Variants in DOCK1 observed in about 807,000 individuals in gnomAD.
DOCK1 encodes the protein dedicator of cytokinesis 1.
A neutral mutation model predicts 262.7 loss-of-function variants in DOCK1; 138 were observed. The observed-to-expected ratio is 0.53, with a 90% CI of 0.46 to 0.61. The LOEUF (loss-of-function observed/expected upper bound fraction) is 0.61. Among genes scored for constraint, DOCK1 ranks in the 20% least tolerant of loss-of-function variants. DOCK1 has a pLI of 0.00. For synonymous variants in DOCK1, 866 were observed against 867.4 expected, an observed-to-expected ratio of 1.00 and a Z score of 0.03; for missense variants, 1,908 against 2,370.7, an observed-to-expected ratio of 0.80 and a Z score of 4.05.
At chr10:127,172,867 T>C (rs2054708785) in intron 27 of DOCK1, among the ~76,000 whole-genome samples, 2 of 152,230 alleles carry the variant, frequency 1.3e-5, no homozygotes, top group Admixed American at 1.3e-4. Flanking sequence ...TTCGTGATGA[T>C]GGAAATGTTC....
chr10:127,176,660 TC>T lies in DOCK1; in HGVS notation c.2847+48900del, dbSNP rs2055190772. Among the ~76,000 whole-genome samples the T allele has an allele frequency of 6.6e-6, 1 of 152,164 alleles. No individual in the cohort carries two copies. Among genetic ancestry groups the T allele is most frequent in the Non-Finnish European group, 1.5e-5 (1 of 68,034 alleles). ...TTTCCTTTTGACAGTAATGCATGTT[TC>T]CCCATTAGACAAACCTGTTTTACTA... On this transcript the variant is annotated intron_variant, in intron 27 of 51. Coordinates refer to ENST00000623213, the MANE Select transcript of DOCK1 (RefSeq NM_001290223.2). The surrounding 1 kb of genome is among the most constrained non-coding windows in gnomAD (Gnocchi z 4.4).
chr10:127,392,597 G>T (rs6482858), intron 38 of DOCK1, among the ~76,000 whole-genome samples: 70,937 of 151,926 alleles, frequency 0.47, 16,912 homozygotes, highest in African/African-American at 0.51. Flanking sequence ...GCCAGCACTT[G>T]AGCAAACAGC....
intron 27 of DOCK1, among the ~76,000 whole-genome samples, chr10:127,211,307 C>T (rs976480416): frequency 1.3e-5 from 2 of 152,186 alleles, no homozygotes; most frequent in East Asian, 1.9e-4. Context: ...CTCCTAGACT[C>T]GGGTTCTGGG....
chr10:126,911,814 A>G (rs963639259), intron 1 of DOCK1, among the ~76,000 whole-genome samples: 1 of 152,160 alleles, frequency 6.6e-6, no homozygotes, highest in Non-Finnish European at 1.5e-5. Context: ...TTGTTATGCA[A>G]ATGGATTGCA....
At chr10:127,111,555 T>G (rs1281633231) in intron 25 of DOCK1, among the ~76,000 whole-genome samples, 4 of 152,158 alleles carry the variant, frequency 2.6e-5, no homozygotes, top group Non-Finnish European at 5.9e-5. Flanking sequence ...CACCAGGTGT[T>G]TTCCAAGACT....
At chr10:127,395,546 G>C (rs905183461) in intron 38 of DOCK1, among the ~76,000 whole-genome samples, 18 of 152,226 alleles carry the variant, frequency 1.2e-4, no homozygotes, top group African/African-American at 3.9e-4. Flanking sequence ...CAGTGGCCCT[G>C]TATTGTCTCC....
chr10:126,933,305 G>A (rs998124042), intron 1 of DOCK1, among the ~76,000 whole-genome samples: 12 of 152,316 alleles, frequency 7.9e-5, no homozygotes, highest in Non-Finnish European at 1.3e-4. Context: ...GACACCTTTC[G>A]TTGGGTGAAG....
At chr10:127,432,396 T>C (rs2069357000) in intron 47 of DOCK1, among the ~76,000 whole-genome samples, 3 of 151,936 alleles carry the variant, frequency 2.0e-5, no homozygotes, top group South Asian at 4.2e-4. Flanking sequence ...TCTTCTGTAG[T>C]TGATTGGCTG....
chr10:127,187,462 C>T (rs1465264213), intron 27 of DOCK1, among the ~76,000 whole-genome samples: 5 of 152,284 alleles, frequency 3.3e-5, no homozygotes, highest in Non-Finnish European at 4.4e-5. Flanking sequence ...TGTATGCTTT[C>T]GCCTTCTTGA....
At chr10:126,917,321 A>G (rs1055055200) in intron 1 of DOCK1, among the ~76,000 whole-genome samples, 2 of 152,170 alleles carry the variant, frequency 1.3e-5, no homozygotes, top group African/African-American at 2.4e-5. Flanking sequence ...GCTTGTGGGT[A>G]ATGAACTGTC....
chr10:127,212,772 T>C (rs2058038146), intron 27 of DOCK1, among the ~76,000 whole-genome samples: 1 of 151,202 alleles, frequency 6.6e-6, no homozygotes, highest in Admixed American at 6.6e-5. Context: ...ACTTGACTTA[T>C]TTTGTCAACA....
chr10:127,181,374 T>C (rs1452826456), intron 27 of DOCK1, among the ~76,000 whole-genome samples: 1 of 152,190 alleles, frequency 6.6e-6, no homozygotes, highest in Non-Finnish European at 1.5e-5. Context: ...AAACTCTCCA[T>C]TGGATTCTGT....
chr10:127,330,907 G>C (rs543328562), intron 29 of DOCK1, among the ~76,000 whole-genome samples: 1 of 152,330 alleles, frequency 6.6e-6, no homozygotes, highest in East Asian at 1.9e-4. Context: ...AAGGGTGGAG[G>C]TTTTGGCCCT....
intron 35 of DOCK1, among the ~76,000 whole-genome samples, chr10:127,375,212 C>A (rs1010991730): frequency 4.6e-5 from 7 of 152,264 alleles, no homozygotes; most frequent in African/African-American, 1.7e-4. Context: ...TGGCTCTCAG[C>A]AGCGTTGTGA....
intron 27 of DOCK1, among the ~76,000 whole-genome samples, chr10:127,235,987 G>A (rs2489425): frequency 0.12 from 18,392 of 151,900 alleles, 1,251 homozygotes; most frequent in East Asian, 0.18. Flanking sequence ...ATTGGTTTTT[G>A]AGAGTTTGTC....
intron 31 of DOCK1, among the ~76,000 whole-genome samples, chr10:127,349,761 G>A (rs1186224037): frequency 1.3e-5 from 2 of 152,078 alleles, no homozygotes; most frequent in African/African-American, 4.8e-5. Flanking sequence ...CTGGCTTCCG[G>A]TGGCTGCCCC....
Position 127,012,080 on chromosome 10 carries a change from T to C in DOCK1, c.1059-152T>C, listed in dbSNP as rs1355642014. 6.6e-6 allele frequency among the ~76,000 whole-genome samples: 1 copy of C among 152,186 alleles called. No homozygotes were observed. The highest frequency in any genetic ancestry group is 1.9e-4 in the East Asian group (1 of 5,178). ...GATCAATGCTTTTCCCTGTTTCTCT[T>C]GTCACCTCTCCCATCCTTTGTCGTG... is the stretch of plus-strand genomic sequence containing the variant. On this transcript the variant is annotated intron_variant, in intron 11 of 51. Transcript: ENST00000623213. The surrounding 1 kb of genome is among the most constrained non-coding windows in gnomAD (Gnocchi z 4.0).
At chr10:127,336,635 G>A (rs1032501470) in intron 29 of DOCK1, among the ~76,000 whole-genome samples, 4 of 151,624 alleles carry the variant, frequency 2.6e-5, no homozygotes, top group Non-Finnish European at 5.9e-5. Flanking sequence ...CGCCTCCCAG[G>A]TTCGCACCAT....
At chr10:127,416,560 A>G (rs2068166886) in intron 44 of DOCK1, among the ~76,000 whole-genome samples, 1 of 152,172 alleles carries the variant, frequency 6.6e-6, no homozygotes, top group African/African-American at 2.4e-5. Flanking sequence ...ACAGACTAAG[A>G]GGGCAGGAAG....
Sources: allele counts gnomAD v4.1 joint callset (sites outside exome capture counted in the v4.1 genomes callset), GRCh38; gene constraint gnomAD v4.1.1; non-coding constraint Gnocchi (gnomAD v3.1); transcripts MANE v1.5; gene names NCBI Gene and HGNC (gene_info 2026-07-23, HGNC 2026-07-21).